DPP6: variants seen among roughly 807,000 people sequenced by gnomAD.
DPP6 encodes dipeptidyl peptidase like 6, also known as A-type potassium channel modulatory protein DPP6.
A neutral mutation model predicts 122.6 loss-of-function variants in DPP6; 69 were observed. The observed-to-expected ratio is 0.56, with a 90% CI of 0.46 to 0.69. The LOEUF (loss-of-function observed/expected upper bound fraction) is 0.69, where lower values mean the gene tolerates loss of function less well. Among genes scored for constraint, DPP6 ranks in the 30% least tolerant of loss-of-function variants. The probability of loss-of-function intolerance (pLI) is 0.00; values close to 1 mark genes in which losing one functional copy is unlikely to be tolerated. For synonymous variants in DPP6, 418 were observed against 433.1 expected (o/e 0.97, Z 0.43); for missense variants, 928 against 1,116.9 (o/e 0.83, Z 2.41).
At chr7:153,912,727 G>T (rs1800143993) in intron 1 of DPP6, among the ~76,000 whole-genome samples, 1 of 151,994 alleles carries the variant, frequency 6.6e-6, no homozygotes, top group Non-Finnish European at 1.5e-5. Flanking sequence ...TTTTCTTAAG[G>T]GGGAGAAAAT....
In DPP6 at chr7:154,645,320, C is replaced by T. The variant is rs558813914; in HGVS notation, c.680+7447C>T. On this transcript the variant is annotated intron_variant, in intron 6 of 25. Transcript: ENST00000377770. ...GACCTCGTGACCCGCCCGCCTCGGC[C>T]TCCCAAAGTGCTGGGATTACAGGCG... Among the ~76,000 whole-genome samples, 4 of 152,196 alleles carry T rather than the reference C, an allele frequency of 2.6e-5. No individual in the cohort carries two copies. The East Asian group carries it at 7.8e-4, about 30-fold the overall frequency.
intron 1 of DPP6, among the ~76,000 whole-genome samples, chr7:154,322,814 A>C (rs1202801057): frequency 6.6e-6 from 1 of 152,196 alleles, no homozygotes; most frequent in Non-Finnish European, 1.5e-5. Flanking sequence ...AGGTGTTTGA[A>C]ACATAAAACA....
At chr7:154,500,611 G>C (rs190869843) in intron 3 of DPP6, among the ~76,000 whole-genome samples, 152 of 152,272 alleles carry the variant, frequency 1.0e-3, no homozygotes, top group African/African-American at 3.4e-3. Flanking sequence ...CTGTTCTCTT[G>C]ACCGCTGCCA....
the DPP6 span, among the ~76,000 whole-genome samples, chr7:153,771,038 A>T: frequency 2.0e-4 from 31 of 152,358 alleles, no homozygotes; most frequent in East Asian, 4.2e-3. Flanking sequence ...TGAGGAGAAG[A>T]AATGTTTGAA....
chr7:154,371,975 C>T (rs1315960799), intron 1 of DPP6, among the ~76,000 whole-genome samples: 2 of 151,996 alleles, frequency 1.3e-5, no homozygotes, highest in Non-Finnish European at 2.9e-5. Flanking sequence ...CAAGGGCCGT[C>T]CCTGAAAACA....
At chr7:154,014,631 G>C (rs546904008) in intron 1 of DPP6, among the ~76,000 whole-genome samples, 2,501 of 151,828 alleles carry the variant, frequency 0.016, 62 homozygotes, top group African/African-American at 0.058. Context: ...CACTGCACTC[G>C]AGCCTGGGTG....
intron 9 of DPP6, among the ~76,000 whole-genome samples, chr7:154,771,227 G>GTTTCC (rs1796232346): frequency 1.3e-5 from 2 of 152,230 alleles, no homozygotes; most frequent in Admixed American, 1.3e-4. Context: ...GAAACACCTG[G>GTTTCC]TGTCTTAGTC....
intron 6 of DPP6, among the ~76,000 whole-genome samples, chr7:154,658,356 AT>A (rs1169081606): frequency 6.6e-6 from 1 of 152,224 alleles, no homozygotes; most frequent in African/African-American, 2.4e-5. Context: ...TATAAAGCTT[AT>A]TAATTAAAAA....
rs575670505 is a variant in DPP6 at position 154,018,246 on chromosome 7, A to G, written c.51+130512A>G. Among the ~76,000 whole-genome samples the G allele has an allele frequency of 1.3e-4, 19 of 151,962 alleles. No homozygotes were observed. In the East Asian group the frequency reaches 3.7e-3, roughly 29 times the overall value. ...TTGATCATGAACATCTGTTTGGTTT[A>G]TTGCAGAACCCACAGAGGCCAACAC... On this transcript the variant is annotated intron_variant, in intron 1 of 25. Coordinates refer to the DPP6 transcript ENST00000404039.
chr7:154,081,343 C>G (rs1803992617), intron 1 of DPP6, among the ~76,000 whole-genome samples: 1 of 146,916 alleles, frequency 6.8e-6, no homozygotes, highest in African/African-American at 2.5e-5. Flanking sequence ...ACCTTAGACT[C>G]TGATGCCTCC....
the DPP6 span, among the ~76,000 whole-genome samples, chr7:153,876,924 C>T: frequency 6.6e-6 from 1 of 151,882 alleles, no homozygotes; most frequent in African/African-American, 2.4e-5. Context: ...AAAATTATGG[C>T]ATAAGAAATA....
intron 1 of DPP6, among the ~76,000 whole-genome samples, chr7:154,107,737 G>A (rs909767090): frequency 6.6e-6 from 1 of 152,172 alleles, no homozygotes; most frequent in South Asian, 2.1e-4. Context: ...TGAACATGGA[G>A]GTTGGGGAAC....
At chr7:153,986,187 A>T (rs984237511) in intron 1 of DPP6, among the ~76,000 whole-genome samples, 1 of 152,236 alleles carries the variant, frequency 6.6e-6, no homozygotes, top group African/African-American at 2.4e-5. Context: ...CATTGGAAAC[A>T]GAAAATAGAT....
intron 7 of DPP6, among the ~76,000 whole-genome samples, chr7:154,694,156 G>A (rs1364135894): frequency 6.6e-6 from 1 of 152,134 alleles, no homozygotes; most frequent in Non-Finnish European, 1.5e-5. Flanking sequence ...GGACCCCTCT[G>A]TGTTGTCTTT....
At chr7:154,384,992 T>A (rs1211957395) in intron 1 of DPP6, among the ~76,000 whole-genome samples, 1 of 152,136 alleles carries the variant, frequency 6.6e-6, no homozygotes, top group Non-Finnish European at 1.5e-5. Context: ...TTATTTATTT[T>A]GAGAGGGAGT....
Position 154,801,367 on chromosome 7 carries a change from G to A in DPP6, c.1312G>A (p.Val438Met). Residue 438 changes from valine to methionine, a missense_variant, in exon 13 of 26, where the codon GTG (valine) becomes ATG (methionine). Coordinates refer to ENST00000377770, the MANE Select transcript of DPP6 (RefSeq NM_130797.4). Reference protein sequence around the residue: ...AWLHRQNEEPVFSKDGRKFFF... With the variant: ...AWLHRQNEEPMFSKDGRKFFF... ...CCTTTGTCCACAGAATGAAGAACCTGTGTTCTCCAAGGATGGCCGAAAGTT... is the reference window on the plus strand; with the variant it reads ...CCTTTGTCCACAGAATGAAGAACCTATGTTCTCCAAGGATGGCCGAAAGTT... 2 of 1,587,928 alleles carry A rather than the reference G, an allele frequency of 1.3e-6. No homozygotes were observed. The highest frequency in any genetic ancestry group is 1.7e-6 in the Non-Finnish European group (2 of 1,165,720).
chr7:153,761,774 G>A, the DPP6 span, among the ~76,000 whole-genome samples: 5 of 152,078 alleles, frequency 3.3e-5, no homozygotes, highest in African/African-American at 7.2e-5. Flanking sequence ...ATCCAATGCC[G>A]AATACTATTT....
intron 8 of DPP6, among the ~76,000 whole-genome samples, chr7:154,745,981 C>T (rs751184479): frequency 6.6e-6 from 1 of 152,178 alleles, no homozygotes; most frequent in Non-Finnish European, 1.5e-5. Flanking sequence ...CAGGCCATAG[C>T]AGGGCATATA....
intron 6 of DPP6, among the ~76,000 whole-genome samples, chr7:154,641,325 C>T (rs551441662): frequency 6.6e-6 from 1 of 152,290 alleles, no homozygotes. Flanking sequence ...CCTAAAAGGA[C>T]ATATGCCTTT....
Sources: allele counts gnomAD v4.1 joint callset (sites outside exome capture counted in the v4.1 genomes callset), GRCh38; gene constraint gnomAD v4.1.1; transcripts MANE v1.5; gene names NCBI Gene and HGNC (gene_info 2026-07-23, HGNC 2026-07-21).